Variants in ST6GALNAC3 observed in about 807,000 individuals in gnomAD.
ST6GALNAC3 encodes the protein alpha-N-acetylgalactosaminide alpha-2,6-sialyltransferase 3.
Under a neutral mutation model 32.7 loss-of-function variants are expected in ST6GALNAC3, and 25 were observed. The observed-to-expected ratio is 0.76, with a 90% CI of 0.56 to 1.07. The LOEUF is 1.07. Ranked by LOEUF, ST6GALNAC3 falls within the 50% of genes least tolerant of loss-of-function variation. The pLI is 0.00. For synonymous variants in ST6GALNAC3, 129 were observed against 133.1 expected, an observed-to-expected ratio of 0.97 and a Z score of 0.21; for missense variants, 355 against 382.4, an observed-to-expected ratio of 0.93 and a Z score of 0.60.
intron 2 of ST6GALNAC3, among the ~76,000 whole-genome samples, chr1:76,385,128 A>G (rs2101127977): frequency 6.6e-6 from 1 of 152,234 alleles, no homozygotes; most frequent in African/African-American, 2.4e-5. Flanking sequence ...CATGTTTAAA[A>G]AAAACCCAAA....
chr1:76,605,401 A>G (rs762892572), intron 3 of ST6GALNAC3, among the ~76,000 whole-genome samples: 19 of 152,324 alleles, frequency 1.2e-4, no homozygotes, highest in Admixed American at 5.9e-4. Context: ...AACTTTGTGT[A>G]CAATAGAAAA....
intron 3 of ST6GALNAC3, among the ~76,000 whole-genome samples, chr1:76,517,092 T>C (rs1662219146): frequency 6.6e-6 from 1 of 151,940 alleles, no homozygotes. Context: ...TATTTTATTG[T>C]TCCATATAAA....
chr1:76,541,975 G>A (rs1464706337), intron 3 of ST6GALNAC3, among the ~76,000 whole-genome samples: 2 of 152,072 alleles, frequency 1.3e-5, no homozygotes, highest in African/African-American at 4.8e-5. Context: ...TGAATCAGTG[G>A]TACTTTTTAA....
At chr1:76,628,456 A>G (rs1649113335) in intron 4 of ST6GALNAC3, among the ~76,000 whole-genome samples, 164 bp from the exon 5 acceptor site, 1 of 152,002 alleles carries the variant, frequency 6.6e-6, no homozygotes. Context: ...ACATCTTCCT[A>G]AAAGCTTTCA....
intron 1 of ST6GALNAC3, among the ~76,000 whole-genome samples, chr1:76,216,973 ACAGT>A (rs985286943): frequency 8.5e-5 from 13 of 152,248 alleles, no homozygotes; most frequent in African/African-American, 2.9e-4. Flanking sequence ...ACACTGATAA[ACAGT>A]CAGCCTTGGA....
intron 3 of ST6GALNAC3, among the ~76,000 whole-genome samples, chr1:76,473,589 C>T (rs564269637): frequency 1.3e-5 from 2 of 152,196 alleles, no homozygotes; most frequent in South Asian, 2.1e-4. Flanking sequence ...GCCTCTATTC[C>T]ACCTAATGCA....
At chr1:76,619,993 C>G (rs1167073010) in intron 3 of ST6GALNAC3, among the ~76,000 whole-genome samples, 1 of 152,124 alleles carries the variant, frequency 6.6e-6, no homozygotes, top group Non-Finnish European at 1.5e-5. Context: ...ATTCCCATAG[C>G]ACATGCAGGG....
chr1:76,333,746 A>G (rs1301004611), intron 2 of ST6GALNAC3, among the ~76,000 whole-genome samples: 1 of 152,188 alleles, frequency 6.6e-6, no homozygotes, highest in Non-Finnish European at 1.5e-5. Context: ...TAGTCAATAA[A>G]TATTTGAATG....
chr1:76,619,072 GATC>G (rs138273106), intron 3 of ST6GALNAC3, among the ~76,000 whole-genome samples: 11,924 of 152,122 alleles, frequency 0.078, 656 homozygotes, highest in Non-Finnish European at 0.12. Flanking sequence ...AAAAATCAGA[GATC>G]TAGGGAAGGC....
intron 3 of ST6GALNAC3, among the ~76,000 whole-genome samples, chr1:76,490,848 C>CT (rs1345748529): frequency 7.1e-6 from 1 of 139,890 alleles, no homozygotes. Flanking sequence ...TCTTTTTTTT[C>CT]TTTTTTTCTT....
chr1:76,084,237 G>T (rs949837165), intron 1 of ST6GALNAC3, among the ~76,000 whole-genome samples: 2 of 152,224 alleles, frequency 1.3e-5, no homozygotes, highest in Non-Finnish European at 2.9e-5. Context: ...GCAGCCAAAG[G>T]CTGGCGACTG....
intron 3 of ST6GALNAC3, among the ~76,000 whole-genome samples, chr1:76,621,900 G>A (rs545958323): frequency 1.8e-4 from 27 of 152,038 alleles, no homozygotes; most frequent in African/African-American, 6.0e-4. Context: ...GAGAACTGAG[G>A]TCCAATAGTG....
intron 1 of ST6GALNAC3, among the ~76,000 whole-genome samples, chr1:76,173,237 G>A (rs1235087711): frequency 2.0e-5 from 3 of 152,166 alleles, no homozygotes; most frequent in African/African-American, 7.2e-5. Context: ...CAATGGGAAA[G>A]AATCTCCTAT....
chr1:76,270,110 A>C (rs1049177843), intron 1 of ST6GALNAC3, among the ~76,000 whole-genome samples: 2 of 152,196 alleles, frequency 1.3e-5, no homozygotes, highest in Non-Finnish European at 2.9e-5. Context: ...AAAATAAAGA[A>C]TTCATAAAGT....
intron 1 of ST6GALNAC3, among the ~76,000 whole-genome samples, chr1:76,301,437 T>C (rs899963532): frequency 6.6e-6 from 1 of 152,068 alleles, no homozygotes; most frequent in Non-Finnish European, 1.5e-5. Context: ...TCCTGCCTAA[T>C]AGTGGAGATG....
At chr1:76,292,512 C>T (rs1660155625) in intron 1 of ST6GALNAC3, among the ~76,000 whole-genome samples, 1 of 152,182 alleles carries the variant, frequency 6.6e-6, no homozygotes, top group Admixed American at 6.5e-5. Context: ...ATTTCTGACA[C>T]TTGGTGTATA....
chr1:76,202,689 A>G (rs955807795), intron 1 of ST6GALNAC3, among the ~76,000 whole-genome samples: 9 of 152,146 alleles, frequency 5.9e-5, no homozygotes, highest in African/African-American at 1.2e-4. Flanking sequence ...AAACCATTCA[A>G]TCTTGGATGT....
At chr1:76,537,403 C>T (rs987128632) in intron 3 of ST6GALNAC3, among the ~76,000 whole-genome samples, 9 of 152,006 alleles carry the variant, frequency 5.9e-5, no homozygotes, top group Admixed American at 6.6e-5. Flanking sequence ...CCTACCATCA[C>T]AATTAAAAGA....
chr1:76,547,337 C>A (rs1426088984), intron 3 of ST6GALNAC3, among the ~76,000 whole-genome samples: 1 of 152,210 alleles, frequency 6.6e-6, no homozygotes, highest in Non-Finnish European at 1.5e-5. Flanking sequence ...TTGTTCAAGT[C>A]ATACTCTTCA....
Sources: gnomAD v4.1 joint callset for allele counts (sites outside exome capture counted in the v4.1 genomes callset) on GRCh38, gnomAD v4.1.1 for gene constraint, MANE v1.5 for transcripts, NCBI Gene and HGNC (gene_info 2026-07-23, HGNC 2026-07-21) for gene names.